Variants in AFF1 observed in about 807,000 individuals in gnomAD.
AFF1 encodes the protein ALF transcription elongation factor 1, also known as AF4/FMR2 family member 1.
AFF1 carries 48 observed loss-of-function variants against 121.7 expected under a neutral mutation model. That is an observed-to-expected ratio of 0.39 (90% CI 0.31 to 0.50). The LOEUF is 0.50. AFF1 is among the 20% of genes least tolerant of loss of function. AFF1 has a pLI of 0.76. For synonymous variants in AFF1, 613 were observed against 563.0 expected, an observed-to-expected ratio of 1.09 and a Z score of -1.26; for missense variants, 1,523 against 1,511.7, an observed-to-expected ratio of 1.01 and a Z score of -0.12.
chr4:87,030,392 A>G (rs1728953817), intron 2 of AFF1, among the ~76,000 whole-genome samples: 1 of 152,226 alleles, frequency 6.6e-6, no homozygotes, highest in Admixed American at 6.5e-5. Context: ...CCCATGAGCC[A>G]TAGTTTGCCA....
At chr4:87,044,652 G>T (rs1730490951) in intron 2 of AFF1, among the ~76,000 whole-genome samples, 1 of 152,176 alleles carries the variant, frequency 6.6e-6, no homozygotes, top group Non-Finnish European at 1.5e-5. Flanking sequence ...GAGGAATGGG[G>T]AGTAGTCAGG....
intron 2 of AFF1, among the ~76,000 whole-genome samples, chr4:86,999,548 A>G (rs376102176): frequency 2.6e-5 from 4 of 152,282 alleles, no homozygotes; most frequent in Admixed American, 2.0e-4. Context: ...CATGCCCAGG[A>G]AAGTGTTTTG....
chr4:87,014,228 C>G (rs144276591), intron 2 of AFF1, among the ~76,000 whole-genome samples: 1 of 152,158 alleles, frequency 6.6e-6, no homozygotes, highest in Non-Finnish European at 1.5e-5. Flanking sequence ...ATTTAATTTA[C>G]TTTTTTCCAT....
At chr4:87,104,105 C>T (rs570148761) in intron 8 of AFF1, among the ~76,000 whole-genome samples, 1 of 152,242 alleles carries the variant, frequency 6.6e-6, no homozygotes, top group South Asian at 2.1e-4. Flanking sequence ...TATTTTCTAG[C>T]CTTGAAAAAA....
At chr4:87,122,389 T>G (rs974621487) in intron 12 of AFF1, among the ~76,000 whole-genome samples, 1 of 152,238 alleles carries the variant, frequency 6.6e-6, no homozygotes, top group African/African-American at 2.4e-5. Flanking sequence ...GTCTCTCAAG[T>G]GTTAGCACTC....
chr4:87,105,492 C>T (rs1465725093), intron 8 of AFF1, 136 bp from the exon 9 acceptor site: 3 of 857,274 alleles, frequency 3.5e-6, no homozygotes, highest in East Asian at 2.6e-5. Flanking sequence ...CAGGAAGTCA[C>T]AGCCTTTAAT....
chr4:87,134,729 G>T (rs759964705), intron 20 of AFF1, 35 bp downstream of exon 20: 1 of 1,542,030 alleles, frequency 6.5e-7, no homozygotes, highest in South Asian at 1.1e-5. Context: ...AATTACTGGG[G>T]TGTTTGGATT....
At chr4:86,946,749 G>C (rs1720892995) in intron 1 of AFF1, among the ~76,000 whole-genome samples, 1 of 152,010 alleles carries the variant, frequency 6.6e-6, no homozygotes. Context: ...GGTTCTGTCA[G>C]TCAGTCAACA....
At chr4:87,022,581 T>TAC (rs1290825034) in intron 2 of AFF1, among the ~76,000 whole-genome samples, 2,349 of 89,894 alleles carry the variant, frequency 0.026, 83 homozygotes, top group African/African-American at 0.06. Context: ...TATATATATA[T>TAC]ATCTATCTAT....
chr4:86,994,383 T>A (rs548011895), intron 2 of AFF1, among the ~76,000 whole-genome samples: 1 of 152,202 alleles, frequency 6.6e-6, no homozygotes, highest in African/African-American at 2.4e-5. Context: ...TGTTGGAAAT[T>A]GTTCATTGAT....
intron 11 of AFF1, among the ~76,000 whole-genome samples, chr4:87,114,096 TA>T (rs1181279306): frequency 6.6e-6 from 1 of 152,216 alleles, no homozygotes; most frequent in African/African-American, 2.4e-5. Context: ...ACCATTAGAA[TA>T]TATTATAAAG....
intron 16 of AFF1, among the ~76,000 whole-genome samples, chr4:87,128,124 G>A (rs1276169129): frequency 6.6e-6 from 1 of 152,156 alleles, no homozygotes; most frequent in East Asian, 1.9e-4. Flanking sequence ...CTCAGTCAAC[G>A]TGTGTTCACT....
chr4:86,941,920 C>T lies in AFF1; in HGVS notation c.-36-6578C>T, dbSNP rs147937514. ...TACCACAGACCCATGGAGAAATTGTCTCCGAACACCTTTCCAATCCTCCGT... is the reference window on the plus strand; with the variant it reads ...TACCACAGACCCATGGAGAAATTGTTTCCGAACACCTTTCCAATCCTCCGT... On this transcript the variant is annotated intron_variant, in intron 1 of 20. Coordinates refer to ENST00000395146, the MANE Select transcript of AFF1 (RefSeq NM_001166693.3). 5.5e-3 allele frequency among the ~76,000 whole-genome samples: 838 copies of T among 151,724 alleles called. 6 individuals carry two copies. The Middle Eastern group carries it at 0.062, about 11-fold the overall frequency.
chr4:87,097,247 G>GGTGGAGCAATTGCA (rs906164492), intron 8 of AFF1, among the ~76,000 whole-genome samples: 2 of 152,190 alleles, frequency 1.3e-5, no homozygotes, highest in Admixed American at 1.3e-4. Flanking sequence ...GAGTAGAGTG[G>GGTGGAGCAATTGCA]GTGGAGCAAT....
intron 2 of AFF1, among the ~76,000 whole-genome samples, chr4:87,001,540 A>G (rs940162902): frequency 6.6e-6 from 1 of 152,120 alleles, no homozygotes; most frequent in Non-Finnish European, 1.5e-5. Flanking sequence ...TCAAGTGGAG[A>G]AAACCAAGTG....
chr4:86,978,999 C>T (rs576896285), intron 2 of AFF1, among the ~76,000 whole-genome samples: 2 of 152,162 alleles, frequency 1.3e-5, no homozygotes, highest in Admixed American at 1.3e-4. Context: ...TCTAGTGGTC[C>T]AATGAAGTGT....
intron 2 of AFF1, among the ~76,000 whole-genome samples, chr4:86,965,295 G>A (rs1338916766): frequency 6.6e-6 from 1 of 152,220 alleles, no homozygotes; most frequent in Non-Finnish European, 1.5e-5. Flanking sequence ...GCACAGGCAA[G>A]CCTTAGAGCC....
chr4:86,955,057 T>A (rs2149460033), intron 2 of AFF1, among the ~76,000 whole-genome samples: 1 of 152,354 alleles, frequency 6.6e-6, no homozygotes, highest in Admixed American at 6.5e-5. Context: ...ACCTTGTGAC[T>A]GTCATCTACC....
At chr4:87,088,620 G>A (rs1422294056) in intron 5 of AFF1, among the ~76,000 whole-genome samples, 2 of 150,766 alleles carry the variant, frequency 1.3e-5, no homozygotes, top group South Asian at 4.2e-4. Flanking sequence ...TTTTTTTGTT[G>A]TTGAGACGGA....
Sources: allele counts gnomAD v4.1 joint callset (sites outside exome capture counted in the v4.1 genomes callset), GRCh38; gene constraint gnomAD v4.1.1; transcripts MANE v1.5; gene names NCBI Gene and HGNC (gene_info 2026-07-23, HGNC 2026-07-21).